EDRF1: variants seen among roughly 807,000 people sequenced by gnomAD.
EDRF1 encodes erythroid differentiation-related factor 1.
Under a neutral mutation model 148.7 loss-of-function variants are expected in EDRF1, and 69 were observed. The ratio of observed to expected loss-of-function variants is 0.46; its 90% confidence interval spans 0.38 to 0.57. The LOEUF is 0.57. EDRF1 is among the 20% of genes least tolerant of loss of function. The pLI is 0.00. For synonymous variants in EDRF1, 515 were observed against 532.8 expected, an observed-to-expected ratio of 0.97 and a Z score of 0.46; for missense variants, 1,118 against 1,478.7, an observed-to-expected ratio of 0.76 and a Z score of 4.00.
chr10:125,741,041 G>A lies in EDRF1; in HGVS notation c.2211G>A (p.Val737=), dbSNP rs142388585. 1.0e-4 allele frequency: 167 copies of A among 1,613,924 alleles called. No homozygotes were observed. Among genetic ancestry groups the A allele is most frequent in the Non-Finnish European group, 1.4e-4 (163 of 1,180,042 alleles). ...CCLCTNMLSE[V]LLFLSQYLTL... ...TCTGCACCAATATGCTTTCCGAAGT[G>A]CTGTTGTTTCTCTCTCAATATTTGA... The change falls in exon 17 of 25, where the codon GTG becomes GTA. Residue 737 remains valine (V), a synonymous_variant. Coordinates refer to ENST00000356792, the MANE Select transcript of EDRF1 (RefSeq NM_001202438.2).
In EDRF1 at chr10:125,725,794, G is replaced by A; in HGVS notation, c.748G>A (p.Glu250Lys). The stretch of plus-strand genomic sequence containing the variant: ...AGGGGCTTCATGGCCTGCTCCCTTC[G>A]AAATGCCTTCTTCAGTTTCTGAAGA... ...SEGASWPAPF[E>K]MPSSVSEDPS... Residue 250 changes from glutamate (E) to lysine (K), a missense_variant, in exon 6 of 25, where the codon GAA becomes AAA. By Grantham distance (56) the Glu-to-Lys change is moderately conservative. Transcript: ENST00000356792. 2 of 1,613,704 alleles carry A rather than the reference G, an allele frequency of 1.2e-6. No individual in the cohort carries two copies. The highest frequency in any genetic ancestry group is 1.7e-6 in the Non-Finnish European group (2 of 1,179,990).
rs761744864 is a variant in EDRF1 at position 125,721,200 on chromosome 10, T to C, written c.109-4T>C. 1.2e-6 allele frequency: 2 copies of C among 1,613,598 alleles called. No homozygotes were observed. Among genetic ancestry groups the C allele is most frequent in the South Asian group, 2.2e-5 (2 of 91,072 alleles). On this transcript the variant is annotated splice_region_variant and splice_polypyrimidine_tract_variant and intron_variant, in intron 1 of 24. Coordinates refer to ENST00000356792, the MANE Select transcript of EDRF1 (RefSeq NM_001202438.2). ...ATTAAAGTTTCACCCAATGTGTTAA[T>C]TAGGGATCAGCTTTATTTCTTGGAG...
Position 125,763,170 on chromosome 10 carries a change from G to A in EDRF1, c.3546-131G>A, listed in dbSNP as rs1431192504. 7 of 888,394 alleles carry A rather than the reference G, an allele frequency of 7.9e-6. No homozygotes were observed. Among genetic ancestry groups the A allele is most frequent in the East Asian group, 2.5e-5 (1 of 39,820 alleles). The allele number at this position is 888,394 out of a possible 1,614,324, so 55.0% of individuals were successfully genotyped here. A position where few individuals can be genotyped will look rare whatever the true frequency, so the allele number is the denominator to read the frequency against. ...TGTAAAAGAAGGCAGGTCTGAACCC[G>A]GCAGGAGAGGAATGCCTGCTGCTCT... On this transcript the variant is annotated intron_variant, in intron 24 of 24. Coordinates refer to ENST00000356792, the MANE Select transcript of EDRF1 (RefSeq NM_001202438.2). This position sits in a 1 kb window ranked among gnomAD's most constrained non-coding sequence, Gnocchi z 4.3.
At chr10:125,762,995 A>G (rs764902477) in intron 24 of EDRF1, among the ~76,000 whole-genome samples, 3 of 151,640 alleles carry the variant, frequency 2.0e-5, no homozygotes, top group African/African-American at 4.8e-5. Flanking sequence ...TGCAAATTCC[A>G]TAAGGCAGGG....
At chr10:125,749,966 C>A (rs534627801) in intron 22 of EDRF1, among the ~76,000 whole-genome samples, 39 of 152,218 alleles carry the variant, frequency 2.6e-4, no homozygotes, top group African/African-American at 9.4e-4. Context: ...CATAGTGAAA[C>A]CCCGTCTCTA....
intron 1 of EDRF1, among the ~76,000 whole-genome samples, chr10:125,720,681 C>T (rs1283776655): frequency 6.6e-6 from 1 of 151,866 alleles, no homozygotes; most frequent in African/African-American, 2.4e-5. Flanking sequence ...CGTGGTAGTG[C>T]ACGCCTGTAA....
At position 125,748,441 on chromosome 10, in the gene EDRF1, A is replaced by G. The variant is rs537128840; in HGVS notation, c.3123+429A>G. 1.7e-3 allele frequency: 408 copies of G among 236,456 alleles called. 5 individuals are homozygous for G. Among genetic ancestry groups the G allele is most frequent in the African/African-American group, 8.7e-3 (383 of 43,920 alleles). 14.6% of individuals were successfully genotyped at this position (236,456 alleles called of 1,614,324 possible). On this transcript the variant is annotated intron_variant, in intron 21 of 24. Coordinates refer to ENST00000356792, the MANE Select transcript of EDRF1 (RefSeq NM_001202438.2). ...TAATCTAGTGCCAGCAGGATTGTAC[A>G]TGAATCCTGGTGCCCAAATGCCTGT...
intron 19 of EDRF1, 128 bp from the exon 20 acceptor site, chr10:125,747,408 T>C: frequency 1.9e-6 from 2 of 1,065,770 alleles, no homozygotes; most frequent in Non-Finnish European, 2.9e-6. Flanking sequence ...CCTCATAATA[T>C]TGTCTCTTTA....
intron 6 of EDRF1, among the ~76,000 whole-genome samples, chr10:125,726,599 T>C (rs1848265751): frequency 6.6e-6 from 1 of 152,212 alleles, no homozygotes; most frequent in South Asian, 2.1e-4. Context: ...TGCTGTTGTG[T>C]TCCCACATAT....
chr10:125,725,187 T>TA, intron 4 of EDRF1, 131 bp from the exon 5 acceptor site: 1 of 1,109,374 alleles, frequency 9.0e-7, no homozygotes, highest in East Asian at 2.6e-5. Flanking sequence ...CCCAGAAAGA[T>TA]ATGTTTTTAA....
Position 125,723,056 on chromosome 10 carries a change from TC to T in EDRF1, c.318-11del. 1 of 1,612,304 alleles carries T rather than the reference TC, an allele frequency of 6.2e-7. No homozygotes were observed. Among genetic ancestry groups the T allele is most frequent in the Non-Finnish European group, 8.5e-7 (1 of 1,178,424 alleles). On this transcript the variant is annotated splice_polypyrimidine_tract_variant and intron_variant, in intron 2 of 24. Coordinates refer to ENST00000356792, the MANE Select transcript of EDRF1 (RefSeq NM_001202438.2). Reference sequence around the variant, plus strand: ...TGACCTCATAACCTGTGTCCTTTTTTCTCTTTGGTAGCTTTGGCATGGCATA... The same window carrying T: ...TGACCTCATAACCTGTGTCCTTTTTTTCTTTGGTAGCTTTGGCATGGCATA...
Position 125,721,343 on chromosome 10 carries a change from A to C in EDRF1, c.248A>C (p.Glu83Ala), listed in dbSNP as rs761834795. The C allele has an allele frequency of 6.2e-7, 1 of 1,614,236 alleles. No individual in the cohort carries two copies. Among genetic ancestry groups the C allele is most frequent in the South Asian group, 1.1e-5 (1 of 91,090 alleles). ...LKLPPANWLR[E>A]SAKLGPAGTT... ...CTCCCACCTGCCAACTGGTTACGAG[A>C]GAGTGCCAAACTAGGGCCAGCAGGA... Residue 83 changes from glutamate (E) to alanine (A), a missense_variant, in exon 2 of 25, where the codon GAG becomes GCG. Transcript: ENST00000356792.
At position 125,743,296 on chromosome 10, in the gene EDRF1, C is replaced by A; in HGVS notation, c.2590+20C>A. On this transcript the variant is annotated intron_variant, in intron 18 of 24. Coordinates refer to ENST00000356792, the MANE Select transcript of EDRF1 (RefSeq NM_001202438.2). Reference sequence around the variant, plus strand: ...GACTAGGTGAGTATCTCTTTAGATTCCTCTCTATTGCTTGTTCTCTCAGAA... The same window carrying A: ...GACTAGGTGAGTATCTCTTTAGATTACTCTCTATTGCTTGTTCTCTCAGAA... The A allele has an allele frequency of 6.3e-7, 1 of 1,588,980 alleles. No homozygotes were observed. The highest frequency in any genetic ancestry group is 8.6e-7 in the Non-Finnish European group (1 of 1,158,050).
chr10:125,733,784 A>T (rs1343730125), intron 11 of EDRF1, 41 bp downstream of exon 11: 1 of 1,551,198 alleles, frequency 6.4e-7, no homozygotes, highest in South Asian at 1.1e-5. Context: ...GTAGCCTATT[A>T]TATAAAGTTT....
At chr10:125,758,389 C>A (rs1476022200) in intron 24 of EDRF1, among the ~76,000 whole-genome samples, 1 of 152,158 alleles carries the variant, frequency 6.6e-6, no homozygotes, top group Admixed American at 6.5e-5. Context: ...TCCTTGCCTT[C>A]CGTATATCTC....
chr10:125,755,082 A>C (rs1253255647), intron 24 of EDRF1, among the ~76,000 whole-genome samples: 1 of 152,176 alleles, frequency 6.6e-6, no homozygotes, highest in Non-Finnish European at 1.5e-5. Context: ...ATTCCTCAGG[A>C]TCTCAGGGAG....
At chr10:125,751,563 T>G (rs955441472) in intron 22 of EDRF1, among the ~76,000 whole-genome samples, 5 of 152,182 alleles carry the variant, frequency 3.3e-5, no homozygotes, top group African/African-American at 1.2e-4. Context: ...TCCATTGATT[T>G]TAAAGAGAAT....
intron 21 of EDRF1, 194 bp downstream of exon 21, chr10:125,748,206 G>T (rs1032309057): frequency 3.0e-6 from 2 of 663,094 alleles, no homozygotes; most frequent in South Asian, 3.6e-5. Context: ...TGTGCTCCAT[G>T]TTGAGCATGG....
Position 125,763,223 on chromosome 10 carries a change from G to A in EDRF1, c.3546-78G>A. On this transcript the variant is annotated intron_variant, in intron 24 of 24. Coordinates refer to ENST00000356792, the MANE Select transcript of EDRF1 (RefSeq NM_001202438.2). This position sits in a 1 kb window ranked among gnomAD's most constrained non-coding sequence, Gnocchi z 4.3. Reference sequence around the variant, plus strand: ...GAAGAGTGACTGTTGGGCTGTCACTGTCCGGTTTTCTGGACCTCTGAATTG... The same window carrying A: ...GAAGAGTGACTGTTGGGCTGTCACTATCCGGTTTTCTGGACCTCTGAATTG... The A allele has an allele frequency of 7.0e-7, 1 of 1,423,276 alleles. No individual in the cohort carries two copies. Among genetic ancestry groups the A allele is most frequent in the South Asian group, 1.2e-5 (1 of 86,826 alleles). 88.2% of individuals were successfully genotyped at this position (1,423,276 alleles called of 1,614,324 possible). A position where few individuals can be genotyped will look rare whatever the true frequency, so the allele number is the denominator to read the frequency against.
Sources: allele counts gnomAD v4.1 joint callset (sites outside exome capture counted in the v4.1 genomes callset), GRCh38; gene constraint gnomAD v4.1.1; non-coding constraint Gnocchi (gnomAD v3.1); transcripts MANE v1.5; gene names NCBI Gene and HGNC (gene_info 2026-07-23, HGNC 2026-07-21).